The following SYVN1 variants were observed in gnomAD, a reference collection of about 807,000 sequenced individuals.
SYVN1 encodes the protein E3 ubiquitin-protein ligase synoviolin.
In SYVN1, 17 loss-of-function variants were observed where a neutral mutation model predicts 62.6. The ratio of observed to expected loss-of-function variants is 0.27; its 90% confidence interval spans 0.19 to 0.41. The LOEUF (loss-of-function observed/expected upper bound fraction) is 0.41. Ranked by LOEUF, SYVN1 falls within the 10% of genes least tolerant of loss-of-function variation. The pLI is 1.00. For synonymous variants in SYVN1, 316 were observed against 304.0 expected, an observed-to-expected ratio of 1.04 and a Z score of -0.41; for missense variants, 634 against 818.0, an observed-to-expected ratio of 0.78 and a Z score of 2.74.
At position 65,133,541 on chromosome 11, in the gene SYVN1, G is replaced by T; in HGVS notation, c.61C>A (p.His21Asn). 1 of 1,613,382 alleles carries T rather than the reference G, an allele frequency of 6.2e-7. No individual in the cohort carries two copies. Residue 21 changes from histidine to asparagine, a missense_variant, in exon 2 of 16, where the codon CAC becomes AAC. Physicochemically the swap from His to Asn is moderately conservative, Grantham distance 68. Around this residue, in one of 2 missense-constraint regions of SYVN1, gnomAD observed 283 missense variants for 444.7 expected, o/e 0.64. Transcript: ENST00000377190. ...SLALTGAVVA[H>N]AYYLKHQFYP... Reference sequence around the variant, plus strand: ...AACTGGTGTTTGAGGTAGTAGGCGTGAGCCACCACAGCCCCGGTCAGCGCC... The same window carrying T: ...AACTGGTGTTTGAGGTAGTAGGCGTTAGCCACCACAGCCCCGGTCAGCGCC...
intron 11 of SYVN1, 96 bp downstream of exon 11, chr11:65,130,564 G>A: frequency 6.9e-7 from 1 of 1,449,208 alleles, no homozygotes; most frequent in Non-Finnish European, 9.1e-7. Context: ...TGAGATTCTG[G>A]AGGGCAGGGA....
chr11:65,132,542 C>T, intron 5 of SYVN1, 190 bp downstream of exon 5: 3 of 795,866 alleles, frequency 3.8e-6, no homozygotes, highest in Non-Finnish European at 6.2e-6. Flanking sequence ...GCCCAGGCTG[C>T]AGGTGAGAAG....
chr11:65,133,221 A>T lies in SYVN1; in HGVS notation c.164T>A (p.Phe55Tyr). 6.2e-7 allele frequency: 1 copy of T among 1,614,198 alleles called. No individual in the cohort carries two copies. Among genetic ancestry groups the T allele is most frequent in the Non-Finnish European group, 8.5e-7 (1 of 1,180,032 alleles). ...VLYIQAFVLV[F>Y]LLGKVMGKVF... ...CTTGCCCATCACCTTGCCCAGAAGG[A>T]AGACAAGGACAAAGGCCTGGATGTA... Residue 55 changes from phenylalanine to tyrosine, a missense_variant, in exon 3 of 16, where the codon TTC becomes TAC. Phe to Tyr is a conservative substitution (Grantham distance 22). Transcript: ENST00000377190.
At chr11:65,130,462 T>G in intron 11 of SYVN1, 83 bp from the exon 12 acceptor site, 2 of 1,448,094 alleles carry the variant, frequency 1.4e-6, no homozygotes, top group Non-Finnish European at 1.8e-6. Flanking sequence ...TATTGAGAGC[T>G]CTGTCCTATT....
rs115424401 is a variant in SYVN1 at position 65,129,027 on chromosome 11, C to T, written c.1596-313G>A. On this transcript the variant is annotated intron_variant, in intron 14 of 15. Transcript: ENST00000377190. The stretch of plus-strand genomic sequence containing the variant: ...GACTCACTCAATAAGCCACAGTGCT[C>T]GAGCCTTGGACTCAAGTTCCTCTCC... 971 of 305,958 alleles carry T rather than the reference C, an allele frequency of 3.2e-3. 8 individuals are homozygous for T. Among genetic ancestry groups the T allele is most frequent in the African/African-American group, 0.018 (855 of 46,864 alleles). The allele number at this position is 305,958 out of a possible 1,614,324, so 19.0% of individuals were successfully genotyped here. A position where few individuals can be genotyped will look rare whatever the true frequency, so the allele number is the denominator to read the frequency against.
At position 65,130,823 on chromosome 11, in the gene SYVN1, G is replaced by A. The variant is rs1311822321; in HGVS notation, c.942C>T (p.Ser314=). The A allele has an allele frequency of 6.4e-7, 1 of 1,570,426 alleles. No homozygotes were observed. The highest frequency in any genetic ancestry group is 1.4e-5 in the African/African-American group (1 of 73,308). ...GCCGCTGGAACCAGGAGCGCAGGCA[G>A]CTGCGGGTCAAGGCCAGGCAGAGGT... ...RLPCNHIFHT[S]CLRSWFQRQQ... is the part of the protein sequence containing the mutation. Residue 314 remains serine, a splice_region_variant and synonymous_variant, in exon 11 of 16, where the codon AGC becomes AGT. Transcript: ENST00000377190.
chr11:65,131,758 T>C (rs1388235023), intron 6 of SYVN1, among the ~76,000 whole-genome samples, 162 bp from the exon 7 acceptor site: 1 of 152,186 alleles, frequency 6.6e-6, no homozygotes, highest in Admixed American at 6.5e-5. Flanking sequence ...CTGTGACTTT[T>C]GGCAACTCAG....
intron 1 of SYVN1, chr11:65,134,177 G>A (rs1243877149): frequency 6.7e-6 from 1 of 149,470 alleles, no homozygotes; most frequent in Non-Finnish European, 1.5e-5. Flanking sequence ...TGTCAACTCA[G>A]AGCACCACAA....
chr11:65,132,609 C>A, intron 5 of SYVN1, 123 bp downstream of exon 5: 1 of 1,199,580 alleles, frequency 8.3e-7, no homozygotes, highest in Non-Finnish European at 1.2e-6. Flanking sequence ...AGCACAGAGA[C>A]TATGCAAATT....
Position 65,130,939 on chromosome 11 carries a change from T to C in SYVN1, c.922A>G (p.Asn308Asp). 2 of 1,613,900 alleles carry C rather than the reference T, an allele frequency of 1.2e-6. No homozygotes were observed. Among genetic ancestry groups the C allele is most frequent in the Non-Finnish European group, 1.7e-6 (2 of 1,180,002 alleles). Residue 308 changes from asparagine to aspartate, a missense_variant, in exon 10 of 16, where the codon AAC (asparagine) becomes GAC (aspartate). Around this residue, in one of 2 missense-constraint regions of SYVN1, gnomAD observed 283 missense variants for 444.7 expected, o/e 0.64. Transcript: ENST00000377190. The stretch of plus-strand genomic sequence containing the variant: ...TCCCACCTGGTATGGAAAATGTGGT[T>C]GCAGGGCAGTCTCTTGGCACCAGTC... ...MVTGAKRLPC[N>D]HIFHTSCLRS...
chr11:65,133,727 G>A lies in SYVN1; in HGVS notation c.-17-109C>T, dbSNP rs1031906898. 4.5e-6 allele frequency: 4 copies of A among 879,862 alleles called. No individual in the cohort carries two copies. The African/African-American group carries it at 5.0e-5, about 11-fold the overall frequency. The allele number at this position is 879,862 out of a possible 1,614,324, so 54.5% of individuals were successfully genotyped here. On this transcript the variant is annotated intron_variant, in intron 1 of 15. Transcript: ENST00000377190. Reference sequence around the variant, plus strand: ...GAAAGTGGGGGGGAAATCACATTTCGCCCTCGAAATCATCAGACAAAGAAT... The same window carrying A: ...GAAAGTGGGGGGGAAATCACATTTCACCCTCGAAATCATCAGACAAAGAAT...
At chr11:65,131,107 C>T (rs1948173598) in intron 9 of SYVN1, 25 bp downstream of exon 9, 1 of 1,614,158 alleles carries the variant, frequency 6.2e-7, no homozygotes, top group Non-Finnish European at 8.5e-7. Context: ...GAGCTTGGGA[C>T]AGCAGCCATG....
rs375871460 is a variant in SYVN1 at position 65,128,649 on chromosome 11, G to T, written c.1661C>A (p.Ala554Asp). The change falls in exon 15 of 16, where the codon GCC becomes GAC. Residue 554 changes from alanine (A) to aspartate (D), a missense_variant. This residue lies in a region of SYVN1 where 351 missense variants were observed against 373.3 expected (regional missense o/e 0.94). Coordinates refer to ENST00000377190, the MANE Select transcript of SYVN1 (RefSeq NM_172230.3). ...TGAGCTAGGGATGCTGGTGGAGGAG[G>T]CAGCAGCAACAACTGTAGTGGCAGT... ...EETATTVVAAASSTSIPSSEA... is the reference protein window; with the variant it reads ...EETATTVVAADSSTSIPSSEA... The T allele has an allele frequency of 2.5e-6, 4 of 1,613,828 alleles. No homozygotes were observed. The African/African-American group carries it at 5.3e-5, about 22-fold the overall frequency.
rs768801054 is a variant in SYVN1 at position 65,129,778 on chromosome 11, C to T, written c.1546G>A (p.Ala516Thr). Residue 516 changes from alanine to threonine, a missense_variant, in exon 14 of 16, where the codon GCC becomes ACC. Physicochemically the swap from Ala to Thr is moderately conservative, Grantham distance 58. Transcript: ENST00000377190. Reference sequence around the variant, plus strand: ...TACTGGTTGATCTGCAGCATGGCGGCGTCCAGCAGTGTGTGGATGTTACGC... The same window carrying T: ...TACTGGTTGATCTGCAGCATGGCGGTGTCCAGCAGTGTGTGGATGTTACGC... ...SLRNIHTLLDAAMLQINQYLT... is the reference protein window; with the variant it reads ...SLRNIHTLLDTAMLQINQYLT... 45 of 1,614,220 alleles carry T rather than the reference C, an allele frequency of 2.8e-5. No homozygotes were observed. Among genetic ancestry groups the T allele is most frequent in the Admixed American group, 2.5e-4 (15 of 60,032 alleles).
In SYVN1 at chr11:65,130,669, G is replaced by A. The variant is rs1255061153; in HGVS notation, c.1096C>T (p.Pro366Ser). ...ACAAGGGGATACTCACAGTTGGGGG[G>A]CTGAGGCAAGAGTGGTGGGGGGTGG... The part of the protein sequence containing the change: ...APHPPPLLPQ[P>S]PNFPQGLLPP... The change falls in exon 11 of 16, where the codon CCC becomes TCC. Residue 366 changes from proline to serine, a missense_variant. This residue lies in a region of SYVN1 where 351 missense variants were observed against 373.3 expected (regional missense o/e 0.94). Transcript: ENST00000377190. 1 of 1,323,454 alleles carries A rather than the reference G, an allele frequency of 7.6e-7. No individual in the cohort carries two copies. Among genetic ancestry groups the A allele is most frequent in the Non-Finnish European group, 1.0e-6 (1 of 992,650 alleles). 82.0% of individuals were successfully genotyped at this position (1,323,454 alleles called of 1,614,324 possible). A position where few individuals can be genotyped will look rare whatever the true frequency, so the allele number is the denominator to read the frequency against.
In SYVN1 at chr11:65,131,148, G is replaced by C. The variant is rs756501811; in HGVS notation, c.808C>G (p.Arg270Gly). The C allele has an allele frequency of 1.9e-6, 3 of 1,614,150 alleles. No homozygotes were observed. The Admixed American group carries it at 5.0e-5, about 27-fold the overall frequency. Residue 270 changes from arginine to glycine, a missense_variant, in exon 9 of 16, where the codon CGC (arginine) becomes GGC (glycine). Physicochemically the swap from Arg to Gly is moderately radical, Grantham distance 125. Transcript: ENST00000377190. Reference protein sequence around the residue: ...TDAIMSRRAIRNMNTLYPDAT... With the variant: ...TDAIMSRRAIGNMNTLYPDAT... ...CCTACTTACAGGGTGTTCATGTTGC[G>C]GATGGCTCGGCGAGACATGATGGCA...
At chr11:65,131,070 G>T (rs1291433766) in intron 9 of SYVN1, 34 bp from the exon 10 acceptor site, 1 of 1,613,648 alleles carries the variant, frequency 6.2e-7, no homozygotes, top group Non-Finnish European at 8.5e-7. Flanking sequence ...ATCAGGTCCA[G>T]AGCTGGAAGC....
chr11:65,133,287 T>C (rs755031076), intron 2 of SYVN1, 35 bp from the exon 3 acceptor site: 2 of 1,609,224 alleles, frequency 1.2e-6, no homozygotes, highest in African/African-American at 1.3e-5. Flanking sequence ...TTGAGGTCAC[T>C]TTCTGCTTTC....
Position 65,131,345 on chromosome 11 carries a change from G to A in SYVN1, c.687C>T (p.Ala229=), listed in dbSNP as rs558199312. ...TGFIKVLLYM[A]FMTIMIKVHT... ...GCACCTTGATCATGATGGTCATGAAGGCCATGTACAGCAGAACCTTGATGA... is the reference window on the plus strand; with the variant it reads ...GCACCTTGATCATGATGGTCATGAAAGCCATGTACAGCAGAACCTTGATGA... Residue 229 remains alanine, a synonymous_variant, in exon 8 of 16, where the codon GCC becomes GCT. Transcript: ENST00000377190. 12 of 1,614,126 alleles carry A rather than the reference G, an allele frequency of 7.4e-6. No homozygotes were observed. The East Asian group carries it at 2.0e-4, about 27-fold the overall frequency.
Sources: allele counts gnomAD v4.1 joint callset (sites outside exome capture counted in the v4.1 genomes callset), GRCh38; gene constraint gnomAD v4.1.1; regional missense constraint gnomAD v4.1.1; transcripts MANE v1.5; gene names NCBI Gene and HGNC (gene_info 2026-07-23, HGNC 2026-07-21).